The following MACROD2 variants were observed in gnomAD, a reference collection of about 807,000 sequenced individuals.
MACROD2 encodes the protein ADP-ribose glycohydrolase MACROD2.
In MACROD2, 36 loss-of-function variants were observed where a neutral mutation model predicts 70.4. That is an observed-to-expected ratio of 0.51 (90% CI 0.39 to 0.68). The LOEUF is 0.68. Among genes scored for constraint, MACROD2 ranks in the 30% least tolerant of loss-of-function variants. The probability of loss-of-function intolerance (pLI) is 0.00; values close to 1 mark genes in which losing one functional copy is unlikely to be tolerated. For synonymous variants in MACROD2, 172 were observed against 178.8 expected (o/e 0.96, Z 0.30); for missense variants, 496 against 538.4 (o/e 0.92, Z 0.78).
intron 6 of MACROD2, among the ~76,000 whole-genome samples, chr20:15,422,353 C>A (rs1204274727): frequency 1.3e-5 from 2 of 152,164 alleles, no homozygotes; most frequent in Non-Finnish European, 2.9e-5. Context: ...GAGAACTGTT[C>A]TCACTGAGAT....
At chr20:15,423,856 A>G (rs866956720) in intron 6 of MACROD2, among the ~76,000 whole-genome samples, 19 of 151,618 alleles carry the variant, frequency 1.3e-4, no homozygotes, top group Middle Eastern at 7.0e-3. Context: ...ACAAATTACT[A>G]TAGACTGTGA....
At chr20:14,953,934 T>C (rs1249228040) in intron 5 of MACROD2, among the ~76,000 whole-genome samples, 1 of 152,266 alleles carries the variant, frequency 6.6e-6, no homozygotes, top group Middle Eastern at 3.4e-3. Context: ...AGTCTCAGTG[T>C]TGAGATGAGT....
chr20:15,095,277 G>A (rs400311), intron 5 of MACROD2, among the ~76,000 whole-genome samples: 2,768 of 151,346 alleles, frequency 0.018, 95 homozygotes, highest in Admixed American at 0.083. Flanking sequence ...GGGTTTCACC[G>A]TGTTAGCTAG....
chr20:16,038,528 TGG>T (rs199554522), intron 15 of MACROD2, among the ~76,000 whole-genome samples: 1 of 126,792 alleles, frequency 7.9e-6, no homozygotes, highest in Non-Finnish European at 1.7e-5. Flanking sequence ...CTTGTTTTTG[TGG>T]GGTTTTTTTT....
chr20:14,399,371 G>GT (rs918716964), intron 3 of MACROD2, among the ~76,000 whole-genome samples: 18 of 152,050 alleles, frequency 1.2e-4, no homozygotes, highest in Admixed American at 2.6e-4. Flanking sequence ...GTTGACAGGA[G>GT]TTTTTTCTTT....
chr20:15,272,811 T>C (rs1568683613), intron 6 of MACROD2, among the ~76,000 whole-genome samples: 1 of 152,180 alleles, frequency 6.6e-6, no homozygotes, highest in Non-Finnish European at 1.5e-5. Context: ...ATAATGCATT[T>C]CCAAATAAAG....
chr20:15,384,947 A>G (rs1286583240), intron 6 of MACROD2, among the ~76,000 whole-genome samples: 1 of 152,188 alleles, frequency 6.6e-6, no homozygotes, highest in East Asian at 1.9e-4. Flanking sequence ...CTTCTTGACA[A>G]GTCATCATGA....
rs138056534 is a variant in MACROD2 at position 14,744,338 on chromosome 20, C to T, written c.418+59379C>T. ...TACTTTAAAAAAATTTTTTAATTGA[C>T]GTATAAAATTGTATGTATTTACCAT... On this transcript the variant is annotated intron_variant, in intron 5 of 17. Transcript: ENST00000684519. 1.7e-4 allele frequency among the ~76,000 whole-genome samples: 26 copies of T among 152,114 alleles called. No homozygotes were observed. In the East Asian group the frequency reaches 2.5e-3, roughly 15 times the overall value.
intron 6 of MACROD2, among the ~76,000 whole-genome samples, chr20:15,412,655 G>A (rs1323975448): frequency 6.6e-6 from 1 of 152,162 alleles, no homozygotes; most frequent in African/African-American, 2.4e-5. Flanking sequence ...AAATTATCGA[G>A]ACTGTAGGGC....
intron 3 of MACROD2, among the ~76,000 whole-genome samples, chr20:14,228,010 T>C (rs1400876994): frequency 6.6e-6 from 1 of 152,152 alleles, no homozygotes; most frequent in East Asian, 1.9e-4. Context: ...GGCAAGATAA[T>C]AGTATTATGT....
chr20:15,919,474 T>G (rs1209412095), intron 10 of MACROD2, among the ~76,000 whole-genome samples: 2 of 152,200 alleles, frequency 1.3e-5, no homozygotes, highest in Non-Finnish European at 2.9e-5. Flanking sequence ...CGGTGGCTCA[T>G]GCCTGTAATC....
intron 6 of MACROD2, among the ~76,000 whole-genome samples, chr20:15,388,362 T>C (rs1488037565): frequency 6.6e-6 from 1 of 152,176 alleles, no homozygotes; most frequent in Non-Finnish European, 1.5e-5. Context: ...CTGATCTGTC[T>C]CCCTTAAATA....
intron 5 of MACROD2, among the ~76,000 whole-genome samples, chr20:14,787,945 T>G (rs974472863): frequency 3.3e-5 from 5 of 152,060 alleles, no homozygotes; most frequent in African/African-American, 1.2e-4. Context: ...TTTACTATAT[T>G]TTGGCTTTTT....
chr20:15,660,608 A>G (rs1283081908), intron 8 of MACROD2, among the ~76,000 whole-genome samples: 1 of 152,062 alleles, frequency 6.6e-6, no homozygotes, highest in Non-Finnish European at 1.5e-5. Context: ...CCCCTGCATC[A>G]GATCTTATTT....
rs148935917 is a variant in MACROD2, at chr20:15,456,645, G to A, written c.571+25210G>A. Among the ~76,000 whole-genome samples the A allele has an allele frequency of 8.1e-4, 123 of 152,188 alleles. 2 individuals carry two copies. Among genetic ancestry groups the A allele is most frequent in the African/African-American group, 2.7e-3 (111 of 41,544 alleles). ...TTCATGGAACCTAGAAGCAGCTGCC[G>A]GGGAAGTTGTGACTTTGGCTTCTCT... On this transcript the variant is annotated intron_variant, in intron 7 of 17. Coordinates refer to ENST00000684519, the MANE Select transcript of MACROD2 (RefSeq NM_001351661.2).
At chr20:15,963,095 C>A (rs578127659) in intron 12 of MACROD2, among the ~76,000 whole-genome samples, 1 of 152,308 alleles carries the variant, frequency 6.6e-6, no homozygotes, top group South Asian at 2.1e-4. Flanking sequence ...GCCAGAGATT[C>A]TATAGAGCAG....
intron 15 of MACROD2, among the ~76,000 whole-genome samples, chr20:16,003,433 T>C (rs2066743128): frequency 6.6e-6 from 1 of 151,928 alleles, no homozygotes; most frequent in South Asian, 2.1e-4. Context: ...GTGAAAACAA[T>C]AGAAAGCAAA....
At chr20:14,763,635 G>C (rs1403115125) in intron 5 of MACROD2, among the ~76,000 whole-genome samples, 2 of 152,092 alleles carry the variant, frequency 1.3e-5, no homozygotes, top group East Asian at 3.9e-4. Flanking sequence ...ATTTAAGAGA[G>C]AAGGAAAAGG....
At chr20:14,464,320 G>A (rs185830417) in intron 3 of MACROD2, among the ~76,000 whole-genome samples, 14 of 152,170 alleles carry the variant, frequency 9.2e-5, no homozygotes, top group East Asian at 1.9e-4. Context: ...GTTTATTTGC[G>A]TAGAGGTATT....
Sources: gnomAD v4.1 joint callset for allele counts (sites outside exome capture counted in the v4.1 genomes callset) on GRCh38, gnomAD v4.1.1 for gene constraint, MANE v1.5 for transcripts, NCBI Gene and HGNC (gene_info 2026-07-23, HGNC 2026-07-21) for gene names.